Variants in RCOR1 observed in about 807,000 individuals in gnomAD.
RCOR1 encodes REST corepressor.
RCOR1 carries 12 observed loss-of-function variants against 64.0 expected under a neutral mutation model. The ratio of observed to expected loss-of-function variants is 0.19; its 90% confidence interval spans 0.12 to 0.30. The LOEUF is 0.30. Ranked by LOEUF, RCOR1 falls within the 10% of genes least tolerant of loss-of-function variation. RCOR1 has a pLI of 1.00. For missense variants in RCOR1, 502 were observed against 621.2 expected (o/e 0.81, Z 2.04); for synonymous variants, 279 against 227.2 (o/e 1.23, Z -2.05).
intron 3 of RCOR1, among the ~76,000 whole-genome samples, chr14:102,683,136 G>T (rs1367658066): frequency 1.3e-5 from 2 of 152,144 alleles, no homozygotes; most frequent in Non-Finnish European, 1.5e-5. Flanking sequence ...TTAAACAGTG[G>T]TGTTGCCTAT....
chr14:102,595,870 C>T (rs1168182549), intron 2 of RCOR1, among the ~76,000 whole-genome samples: 3 of 151,594 alleles, frequency 2.0e-5, no homozygotes, highest in Non-Finnish European at 2.9e-5. Context: ...TGTGCCACCG[C>T]GCCCGGCCCC....
chr14:102,689,987 C>T (rs779452642), intron 3 of RCOR1, among the ~76,000 whole-genome samples: 3 of 152,152 alleles, frequency 2.0e-5, no homozygotes, highest in Non-Finnish European at 4.4e-5. Flanking sequence ...TTGGGATTTG[C>T]CTGCCTCAGC....
At chr14:102,717,250 TTGAC>T (rs960393330) in intron 8 of RCOR1, among the ~76,000 whole-genome samples, 1 of 152,234 alleles carries the variant, frequency 6.6e-6, no homozygotes, top group Non-Finnish European at 1.5e-5. Flanking sequence ...CAGCAAGTTG[TTGAC>T]TGACTATTTT....
At chr14:102,685,619 A>G (rs1172012835) in intron 3 of RCOR1, among the ~76,000 whole-genome samples, 1 of 151,902 alleles carries the variant, frequency 6.6e-6, no homozygotes, top group African/African-American at 2.4e-5. Flanking sequence ...AGTAGCTGGG[A>G]CTACACACGC....
At chr14:102,658,415 A>AG (rs1894768245) in intron 2 of RCOR1, 1 of 511,864 alleles carries the variant, frequency 2.0e-6, no homozygotes, top group Admixed American at 6.4e-5. Flanking sequence ...TGAACTAGGG[A>AG]GGTAAGAAGT....
chr14:102,655,351 AG>A, intron 2 of RCOR1: 1 of 985,340 alleles, frequency 1.0e-6, no homozygotes, highest in Non-Finnish European at 1.2e-6. Flanking sequence ...TTAGAATGGC[AG>A]GAAGCTGAAT....
At chr14:102,597,850 C>G (rs1439172943) in intron 2 of RCOR1, among the ~76,000 whole-genome samples, 2 of 146,528 alleles carry the variant, frequency 1.4e-5, no homozygotes, top group East Asian at 3.9e-4. Flanking sequence ...GTTTTTTTCT[C>G]TTGTTGCTCA....
intron 2 of RCOR1, among the ~76,000 whole-genome samples, chr14:102,594,904 C>T (rs1429086824): frequency 1.3e-5 from 2 of 152,174 alleles, no homozygotes; most frequent in African/African-American, 4.8e-5. Context: ...TAAAAATCGA[C>T]TTCCACAAAT....
chr14:102,593,214 C>CG (rs1369407833), intron 1 of RCOR1, 27 bp downstream of exon 1: 1 of 1,476,610 alleles, frequency 6.8e-7, no homozygotes, highest in African/African-American at 1.5e-5. Flanking sequence ...CCCGCGGCCC[C>CG]GGGCCCCGCG....
At position 102,727,647 on chromosome 14, in the gene RCOR1, C is replaced by T. The variant is rs1390547705; in HGVS notation, c.*1141C>T. On this transcript the variant is annotated 3_prime_UTR_variant, in exon 12 of 12. Coordinates refer to ENST00000262241, the MANE Select transcript of RCOR1 (RefSeq NM_015156.4). The stretch of plus-strand genomic sequence containing the variant: ...TGTGCTGATGTGATTACACAAACAC[C>T]ATGCACTCTCTTTTCATATCAGAGT... 1 of 151,958 alleles carries T rather than the reference C, an allele frequency of 6.6e-6. No homozygotes were observed. Among genetic ancestry groups the T allele is most frequent in the Non-Finnish European group, 1.5e-5 (1 of 67,998 alleles). The allele number at this position is 151,958 out of a possible 1,614,324, so 9.4% of individuals were successfully genotyped here. A position where few individuals can be genotyped will look rare whatever the true frequency, so the allele number is the denominator to read the frequency against.
chr14:102,697,691 T>G (rs561060318), intron 3 of RCOR1, among the ~76,000 whole-genome samples: 41 of 152,248 alleles, frequency 2.7e-4, no homozygotes, highest in African/African-American at 9.1e-4. Context: ...TCCTTTACTT[T>G]AGATTTGAGT....
chr14:102,686,741 T>C (rs971327613), intron 3 of RCOR1, among the ~76,000 whole-genome samples: 1 of 152,242 alleles, frequency 6.6e-6, no homozygotes, highest in Admixed American at 6.5e-5. Flanking sequence ...CCACTGTCTC[T>C]TTTCATGGCT....
intron 2 of RCOR1, among the ~76,000 whole-genome samples, chr14:102,613,206 G>A (rs1893670029): frequency 6.6e-6 from 1 of 151,824 alleles, no homozygotes. Context: ...GGTTCAAGCA[G>A]TTCTTGTGCC....
chr14:102,632,025 G>T (rs1368707681), intron 2 of RCOR1, among the ~76,000 whole-genome samples: 2 of 150,856 alleles, frequency 1.3e-5, no homozygotes, highest in Non-Finnish European at 2.9e-5. Context: ...GGCCAGGCTG[G>T]TCTTGAACTC....
chr14:102,653,931 CT>C (rs1894649625), intron 2 of RCOR1, among the ~76,000 whole-genome samples: 1 of 27,420 alleles, frequency 3.6e-5, no homozygotes, highest in South Asian at 1.0e-3. Context: ...TTCTTTCTTT[CT>C]TTCTTTCTTT....
At position 102,592,869 on chromosome 14, in the gene RCOR1, C is replaced by A. The variant is rs1297222644; in HGVS notation, c.-18C>A. 8.4e-7 allele frequency: 1 copy of A among 1,185,924 alleles called. No individual in the cohort carries two copies. Among genetic ancestry groups the A allele is most frequent in the Non-Finnish European group, 1.0e-6 (1 of 960,448 alleles). 73.5% of individuals were successfully genotyped at this position (1,185,924 alleles called of 1,614,324 possible). On this transcript the variant is annotated 5_prime_UTR_variant, in exon 1 of 12. Coordinates refer to ENST00000262241, the MANE Select transcript of RCOR1 (RefSeq NM_015156.4). ...GCCGCGGGTCCCCGCCACTTTCGCA[C>A]GGCCCCGGCCCCCGCCGATGCCGGC...
chr14:102,719,235 ATTTC>A (rs1414606915), intron 8 of RCOR1, among the ~76,000 whole-genome samples: 1 of 151,570 alleles, frequency 6.6e-6, no homozygotes, highest in African/African-American at 2.4e-5. Context: ...CAGCCTAGAT[ATTTC>A]TTCTTCTTCT....
intron 2 of RCOR1, among the ~76,000 whole-genome samples, chr14:102,670,782 AT>A (rs1895018479): frequency 6.6e-6 from 1 of 150,382 alleles, no homozygotes; most frequent in South Asian, 2.1e-4. Context: ...TTATTTATTG[AT>A]TGATTTTGAG....
chr14:102,613,497 A>T, intron 2 of RCOR1, among the ~76,000 whole-genome samples: 1 of 138,470 alleles, frequency 7.2e-6, no homozygotes, highest in Non-Finnish European at 1.5e-5. Context: ...CTGTGGCGCG[A>T]TCTCTGCTCA....
Sources: allele counts gnomAD v4.1 joint callset (sites outside exome capture counted in the v4.1 genomes callset), GRCh38; gene constraint gnomAD v4.1.1; transcripts MANE v1.5; gene names NCBI Gene and HGNC (gene_info 2026-07-23, HGNC 2026-07-21).